Variants in CYP1B1 observed in about 807,000 individuals in gnomAD.
CYP1B1 encodes the protein cytochrome P450 1B1.
In CYP1B1, 22 loss-of-function variants were observed where a neutral mutation model predicts 29.9. That is an observed-to-expected ratio of 0.74 (90% CI 0.53 to 1.05). The LOEUF (loss-of-function observed/expected upper bound fraction) is 1.05, where lower values mean the gene tolerates loss of function less well. Ranked by LOEUF, CYP1B1 falls within the 50% of genes least tolerant of loss-of-function variation. CYP1B1 has a pLI of 0.00. For synonymous variants in CYP1B1, 375 were observed against 320.0 expected, an observed-to-expected ratio of 1.17 and a Z score of -1.83; for missense variants, 883 against 746.9, an observed-to-expected ratio of 1.18 and a Z score of -2.12.
chr2:38,075,293 A>T lies in CYP1B1; in HGVS notation c.96T>A (p.Thr32=). 2.5e-6 allele frequency: 4 copies of T among 1,610,270 alleles called. No homozygotes were observed. Among genetic ancestry groups the T allele is most frequent in the Non-Finnish European group, 3.4e-6 (4 of 1,179,222 alleles). ...TLLLLLSVLA[T]VHVGQRLLRQ... The stretch of plus-strand genomic sequence containing the variant: ...TCAGCAGCCGCTGGCCCACATGCAC[A>T]GTGGCCAGCACCGACAGGAGTAGCA... Residue 32 remains threonine, a synonymous_variant, in exon 2 of 3, where the codon ACT becomes ACA. Transcript: ENST00000610745.
chr2:38,075,531 C>CA (rs1682522944), intron 1 of CYP1B1, 142 bp from the exon 2 acceptor site: 3 of 802,844 alleles, frequency 3.7e-6, no homozygotes, highest in Non-Finnish European at 6.1e-6. Flanking sequence ...TGGCCGAAGA[C>CA]GCCCCTTCCC....
At position 38,070,792 on chromosome 2, in the gene CYP1B1, G is replaced by A. The variant is rs765192369; in HGVS notation, c.1562C>T (p.Thr521Ile). 2 of 1,614,248 alleles carry A rather than the reference G, an allele frequency of 1.2e-6. No individual in the cohort carries two copies. The highest frequency in any genetic ancestry group is 1.1e-5 in the South Asian group (1 of 91,092). The change falls in exon 3 of 3, where the codon ACT becomes ATT. Residue 521 changes from threonine (T) to isoleucine (I), a missense_variant. Coordinates refer to ENST00000610745, the MANE Select transcript of CYP1B1 (RefSeq NM_000104.4). The part of the protein sequence containing the change: ...IKPKSFKVNV[T>I]LRESMELLDS... ...AAGGAGCTCCATGGACTCTCTGAGAGTGACATTGACTTTAAATGACTTGGG... is the reference window on the plus strand; with the variant it reads ...AAGGAGCTCCATGGACTCTCTGAGAATGACATTGACTTTAAATGACTTGGG...
rs199836011 is a variant in CYP1B1 at position 38,074,438 on chromosome 2, C to T, written c.951G>A (p.Leu317=). 2.5e-6 allele frequency: 4 copies of T among 1,613,218 alleles called. No homozygotes were observed. The Admixed American group carries it at 6.7e-5, about 27-fold the overall frequency. ...DSHGGGARLD[L]ENVPATITDI... ...CAGTGATAGTGGCCGGTACGTTCTCCAAATCCAGCCGCGCGCCACCACCGT... is the reference window on the plus strand; with the variant it reads ...CAGTGATAGTGGCCGGTACGTTCTCTAAATCCAGCCGCGCGCCACCACCGT... Residue 317 remains leucine, a synonymous_variant, in exon 2 of 3, where the codon TTG becomes TTA. Coordinates refer to ENST00000610745, the MANE Select transcript of CYP1B1 (RefSeq NM_000104.4).
chr2:38,075,046 C>G lies in CYP1B1; in HGVS notation c.343G>C (p.Ala115Pro), dbSNP rs764338357. Residue 115 changes from alanine to proline, a missense_variant, in exon 2 of 3, where the codon GCC becomes CCC. Physicochemically the swap from Ala to Pro is conservative, Grantham distance 27 (BLOSUM62 -1). Transcript: ENST00000610745. ...QALVQQGSAFADRPAFASFRV... is the reference protein window; with the variant it reads ...QALVQQGSAFPDRPAFASFRV... ...AAGGAGGCGAAGGCCGGCCGGTCGG[C>G]GAAGGCCGAGCCCTGCTGCACCAGG... 8 of 1,587,228 alleles carry G rather than the reference C, an allele frequency of 5.0e-6. No homozygotes were observed. Among genetic ancestry groups the G allele is most frequent in the Middle Eastern group, 3.3e-4 (2 of 6,016 alleles).
At chr2:38,075,638 C>A in intron 1 of CYP1B1, 142 bp downstream of exon 1, 2 of 585,486 alleles carry the variant, frequency 3.4e-6, no homozygotes, top group Non-Finnish European at 6.1e-6. Context: ...AGGCGCGTAA[C>A]GGTTCCTGCA....
intron 1 of CYP1B1, 168 bp downstream of exon 1, chr2:38,075,612 C>G (rs1682524263): frequency 1.7e-6 from 1 of 597,248 alleles, no homozygotes; most frequent in Admixed American, 2.9e-5. Context: ...AGCGCCAAAC[C>G]CTTCCCCTCC....
rs570132783 is a variant in CYP1B1, at chr2:38,068,784, C to T, written c.*1938G>A. ...GCCTATTTGAGATTTAACTCTGCTA[C>T]GCCAAACATCTTTCTTCTAAATGTC... On this transcript the variant is annotated 3_prime_UTR_variant, in exon 3 of 3. Coordinates refer to ENST00000610745, the MANE Select transcript of CYP1B1 (RefSeq NM_000104.4). 7.5e-4 allele frequency: 168 copies of T among 224,476 alleles called. No homozygotes were observed. The highest frequency in any genetic ancestry group is 1.4e-3 in the Non-Finnish European group (155 of 112,328). The allele number at this position is 224,476 out of a possible 1,614,324, so 13.9% of individuals were successfully genotyped here. A position where few individuals can be genotyped will look rare whatever the true frequency, so the allele number is the denominator to read the frequency against.
In CYP1B1 at chr2:38,074,915, G is replaced by T. The variant is rs571087769; in HGVS notation, c.474C>A (p.Arg158=). ...CGAGGACTTGGCGGCTGCGCGGCTG[G>T]CGCGTGAAGAAGTTGCGCATCATGC... ...AHSMMRNFFT[R]QPRSRQVLEG... Residue 158 remains arginine, a synonymous_variant, in exon 2 of 3, where the codon CGC becomes CGA. Transcript: ENST00000610745. 5.2e-5 allele frequency: 81 copies of T among 1,556,626 alleles called. No homozygotes were observed. The African/African-American group carries it at 9.9e-4, about 19-fold the overall frequency.
At position 38,075,634 on chromosome 2, in the gene CYP1B1, G is replaced by A. The variant is rs962024449; in HGVS notation, c.-2+146C>T. 11 of 586,764 alleles carry A rather than the reference G, an allele frequency of 1.9e-5. No individual in the cohort carries two copies. The African/African-American group carries it at 2.1e-4, about 11-fold the overall frequency. 36.3% of individuals were successfully genotyped at this position (586,764 alleles called of 1,614,324 possible). ...AACCCTTCCCCTCCCCGCAAGGCGCGTAACGGTTCCTGCAATCTGGGGACA... is the reference window on the plus strand; with the variant it reads ...AACCCTTCCCCTCCCCGCAAGGCGCATAACGGTTCCTGCAATCTGGGGACA... On this transcript the variant is annotated intron_variant, in intron 1 of 2. Transcript: ENST00000610745.
chr2:38,074,240 C>G (rs1417919139), intron 2 of CYP1B1, 106 bp downstream of exon 2: 2 of 1,296,486 alleles, frequency 1.5e-6, no homozygotes, highest in African/African-American at 1.5e-5. Context: ...GGACCTGGAG[C>G]GAAACCCCAA....
intron 2 of CYP1B1, chr2:38,073,440 G>A (rs1310268611): frequency 1.3e-5 from 2 of 152,168 alleles, no homozygotes; most frequent in African/African-American, 4.8e-5. Context: ...AAATACTACA[G>A]GCCGCCCAGT....
rs1368501832 is a variant in CYP1B1 at position 38,074,502 on chromosome 2, A to C, written c.887T>G (p.Phe296Cys). ...GAAPRDMMDA[F>C]ILSAEKKAAG... ...CGCCTTCTTTTCCGCAGAGAGGATA[A>C]AGGCGTCCATCATGTCGCGGGGGGC... is the stretch of plus-strand genomic sequence containing the variant. Residue 296 changes from phenylalanine (F) to cysteine (C), a missense_variant, in exon 2 of 3, where the codon TTT becomes TGT. Phe to Cys is a radical substitution (Grantham distance 205). Coordinates refer to ENST00000610745, the MANE Select transcript of CYP1B1 (RefSeq NM_000104.4). The C allele has an allele frequency of 6.2e-7, 1 of 1,611,254 alleles. No homozygotes were observed. Among genetic ancestry groups the C allele is most frequent in the Admixed American group, 1.7e-5 (1 of 59,480 alleles).
chr2:38,074,655 G>T lies in CYP1B1; in HGVS notation c.734C>A (p.Pro245His). 6.2e-7 allele frequency: 1 copy of T among 1,613,392 alleles called. No homozygotes were observed. The highest frequency in any genetic ancestry group is 8.5e-7 in the Non-Finnish European group (1 of 1,180,020). ...VGAGSLVDVM[P>H]WLQYFPNPVR... ...CGGGTTGGGGAAGTACTGCAGCCAG[G>T]GCATCACGTCCACCAGGCTGCCCGC... The change falls in exon 2 of 3, where the codon CCC becomes CAC. Residue 245 changes from proline (P) to histidine (H), a missense_variant. By Grantham distance (77) the Pro-to-His change is moderately conservative (BLOSUM62 -2). Coordinates refer to ENST00000610745, the MANE Select transcript of CYP1B1 (RefSeq NM_000104.4).
At chr2:38,072,104 G>A (rs1427215383) in intron 2 of CYP1B1, among the ~76,000 whole-genome samples, 3 of 152,070 alleles carry the variant, frequency 2.0e-5, no homozygotes, top group South Asian at 2.1e-4. Context: ...ATCTTAATAC[G>A]AGGCAAGAGA....
In CYP1B1 at chr2:38,071,159, T is replaced by C. The variant is rs72481806; in HGVS notation, c.1195A>G (p.Ile399Val). ...MRFSSFVPVT[I>V]PHATTANTSV... ...GTGTTGGCAGTGGTGGCATGAGGAA[T>C]AGTGACAGGCACAAAGCTGGAGAAG... The change falls in exon 3 of 3, where the codon ATT becomes GTT. Residue 399 changes from isoleucine (I) to valine (V), a missense_variant. Ile to Val is a conservative substitution (Grantham distance 29). Transcript: ENST00000610745. 2.5e-6 allele frequency: 4 copies of C among 1,613,534 alleles called. No individual in the cohort carries two copies. The highest frequency in any genetic ancestry group is 1.6e-4 in the Middle Eastern group (1 of 6,084).
intron 2 of CYP1B1, among the ~76,000 whole-genome samples, chr2:38,071,976 C>T (rs1227083438): frequency 1.3e-5 from 2 of 152,134 alleles, no homozygotes; most frequent in Admixed American, 6.5e-5. Flanking sequence ...GATAAAGCTA[C>T]ATACTGTATT....
intron 2 of CYP1B1, among the ~76,000 whole-genome samples, chr2:38,073,103 T>G (rs1192930433): frequency 1.3e-5 from 2 of 152,224 alleles, no homozygotes; most frequent in Non-Finnish European, 2.9e-5. Context: ...TCTGGTTGAC[T>G]TTTCTTTATT....
rs1682501173 is a variant in CYP1B1, at chr2:38,074,900, G to A, written c.489C>T (p.Arg163=). The A allele has an allele frequency of 6.4e-7, 1 of 1,554,388 alleles. No individual in the cohort carries two copies. The highest frequency in any genetic ancestry group is 8.7e-7 in the Non-Finnish European group (1 of 1,154,056). The change falls in exon 2 of 3, where the codon CGC becomes CGT. Residue 163 remains arginine (R), a synonymous_variant. Transcript: ENST00000610745. ...RNFFTRQPRS[R]QVLEGHVLSE... ...TCAGCACGTGGCCCTCGAGGACTTG[G>A]CGGCTGCGCGGCTGGCGCGTGAAGA...
Position 38,074,892 on chromosome 2 carries a change from A to G in CYP1B1, c.497T>C (p.Leu166Pro), listed in dbSNP as rs1324041479. 1.9e-6 allele frequency: 3 copies of G among 1,556,786 alleles called. No individual in the cohort carries two copies. Among genetic ancestry groups the G allele is most frequent in the Non-Finnish European group, 2.6e-6 (3 of 1,154,280 alleles). The change falls in exon 2 of 3, where the codon CTC (leucine) becomes CCC (proline). Residue 166 changes from leucine to proline, a missense_variant. Physicochemically the swap from Leu to Pro is moderately conservative, Grantham distance 98. Coordinates refer to ENST00000610745, the MANE Select transcript of CYP1B1 (RefSeq NM_000104.4). The stretch of plus-strand genomic sequence containing the variant: ...CGCCTCGCTCAGCACGTGGCCCTCG[A>G]GGACTTGGCGGCTGCGCGGCTGGCG... ...FTRQPRSRQV[L>P]EGHVLSEARE...
Sources: allele counts gnomAD v4.1 joint callset (sites outside exome capture counted in the v4.1 genomes callset), GRCh38; gene constraint gnomAD v4.1.1; transcripts MANE v1.5; gene names NCBI Gene and HGNC (gene_info 2026-07-23, HGNC 2026-07-21).